LHCGR: variants seen among roughly 807,000 people sequenced by gnomAD.
LHCGR encodes luteinizing hormone/choriogonadotropin receptor, also known as lutropin-choriogonadotropic hormone receptor.
LHCGR carries 55 observed loss-of-function variants against 60.7 expected under a neutral mutation model. That is an observed-to-expected ratio of 0.91 (90% CI 0.73 to 1.13). The LOEUF is 1.13. Ranked by LOEUF, LHCGR falls within the 50% of genes most tolerant of loss-of-function variation. The pLI is 0.00. For missense variants in LHCGR, 862 were observed against 836.0 expected, an observed-to-expected ratio of 1.03 and a Z score of -0.38; for synonymous variants, 337 against 316.5, an observed-to-expected ratio of 1.06 and a Z score of -0.69.
intron 7 of LHCGR, 50 bp from the exon 8 acceptor site, chr2:48,709,072 C>G: frequency 7.1e-7 from 1 of 1,406,792 alleles, no homozygotes; most frequent in Non-Finnish European, 1.0e-6. Context: ...CATGTGTAAG[C>G]ATTCGTAGCT....
At chr2:48,715,586 T>C (rs1359739840) in intron 6 of LHCGR, among the ~76,000 whole-genome samples, 3 of 152,082 alleles carry the variant, frequency 2.0e-5, no homozygotes, top group African/African-American at 7.2e-5. Flanking sequence ...CAGGTAGCTG[T>C]TGTCTGCAAG....
intron 6 of LHCGR, among the ~76,000 whole-genome samples, chr2:48,719,495 T>A (rs1668411985): frequency 6.6e-6 from 1 of 152,322 alleles, no homozygotes; most frequent in African/African-American, 2.4e-5. Context: ...GAATCAAGAT[T>A]GTCTCTTTTT....
Position 48,687,751 on chromosome 2 carries a change from T to C in LHCGR, c.2046A>G (p.Thr682=). The stretch of plus-strand genomic sequence containing the variant: ...GGAGAGCTGTACCTTGACAGTGCAA[T>C]GTGGACAACTTCAAGGTGGATTGAG... ...KPSQSTLKLS[T]LHCQGTALLD... The change falls in exon 11 of 11, where the codon ACA becomes ACG. Residue 682 remains threonine (T), a synonymous_variant. Transcript: ENST00000294954. 6.2e-7 allele frequency: 1 copy of C among 1,614,154 alleles called. No individual in the cohort carries two copies. The highest frequency in any genetic ancestry group is 8.5e-7 in the Non-Finnish European group (1 of 1,180,010).
intron 4 of LHCGR, among the ~76,000 whole-genome samples, chr2:48,725,379 A>G (rs1668672429): frequency 6.6e-6 from 1 of 152,174 alleles, no homozygotes; most frequent in Non-Finnish European, 1.5e-5. Flanking sequence ...TTAAAGTGTT[A>G]TGACCTCCAT....
chr2:48,739,275 C>G (rs1173374405), intron 1 of LHCGR, among the ~76,000 whole-genome samples: 1 of 152,176 alleles, frequency 6.6e-6, no homozygotes, highest in Non-Finnish European at 1.5e-5. Context: ...GGATCTAGAA[C>G]TAGAAATACC....
intron 9 of LHCGR, among the ~76,000 whole-genome samples, chr2:48,697,700 T>C (rs772377272): frequency 2.0e-5 from 3 of 152,190 alleles, no homozygotes; most frequent in African/African-American, 7.2e-5. Context: ...ATCTAAGTAA[T>C]TGAATGGATC....
At chr2:48,732,139 C>A (rs951815610) in intron 1 of LHCGR, among the ~76,000 whole-genome samples, 2 of 152,166 alleles carry the variant, frequency 1.3e-5, no homozygotes, top group African/African-American at 4.8e-5. Context: ...GCTAAAGGAA[C>A]TGGAGGTTAA....
At chr2:48,725,105 TGGCA>T (rs1392566322) in intron 4 of LHCGR, among the ~76,000 whole-genome samples, 1 of 152,218 alleles carries the variant, frequency 6.6e-6, no homozygotes, top group East Asian at 1.9e-4. Context: ...GCAATGATTG[TGGCA>T]GGCTACAGTG....
chr2:48,708,797 C>G (rs1426820003), intron 8 of LHCGR, 151 bp downstream of exon 8: 54 of 744,936 alleles, frequency 7.2e-5, no homozygotes, highest in Non-Finnish European at 2.5e-6. Context: ...ATTATGGCAG[C>G]TGTGATACAC....
At chr2:48,744,850 C>T (rs1157442163) in intron 1 of LHCGR, among the ~76,000 whole-genome samples, 1 of 151,790 alleles carries the variant, frequency 6.6e-6, no homozygotes, top group Non-Finnish European at 1.5e-5. Context: ...CAAATGGGAT[C>T]CAATTAAACT....
At chr2:48,700,757 C>T (rs1558822965) in intron 8 of LHCGR, among the ~76,000 whole-genome samples, 1 of 152,072 alleles carries the variant, frequency 6.6e-6, no homozygotes, top group East Asian at 1.9e-4. Flanking sequence ...GATAAGGTTG[C>T]CAGAAGTTGA....
chr2:48,739,284 C>T (rs1180948618), intron 1 of LHCGR, among the ~76,000 whole-genome samples: 1 of 152,154 alleles, frequency 6.6e-6, no homozygotes, highest in African/African-American at 2.4e-5. Context: ...ACTAGAAATA[C>T]CATTTGAGCC....
chr2:48,713,425 A>G (rs555420058), intron 7 of LHCGR, among the ~76,000 whole-genome samples: 6 of 152,258 alleles, frequency 3.9e-5, no homozygotes, highest in African/African-American at 1.4e-4. Flanking sequence ...AGAGGTTGAG[A>G]ACAGTGAGGG....
At chr2:48,726,342 C>G (rs1194024970) in intron 3 of LHCGR, among the ~76,000 whole-genome samples, 2 of 152,204 alleles carry the variant, frequency 1.3e-5, no homozygotes, top group Middle Eastern at 3.2e-3. Context: ...GCTAGTGTCT[C>G]TTCTGTAAAA....
chr2:48,719,123 C>T (rs1668388768), intron 6 of LHCGR, among the ~76,000 whole-genome samples: 1 of 151,372 alleles, frequency 6.6e-6, no homozygotes, highest in Admixed American at 6.6e-5. Context: ...GAGATCAAGA[C>T]CATCCTGGCT....
At chr2:48,729,432 C>T (rs1668889452) in intron 2 of LHCGR, among the ~76,000 whole-genome samples, 1 of 152,124 alleles carries the variant, frequency 6.6e-6, no homozygotes, top group African/African-American at 2.4e-5. Flanking sequence ...AACCCAAGTG[C>T]AGTTGAAATG....
chr2:48,706,424 A>T (rs150324110), intron 8 of LHCGR, among the ~76,000 whole-genome samples: 4 of 152,246 alleles, frequency 2.6e-5, no homozygotes, highest in Non-Finnish European at 5.9e-5. Flanking sequence ...GTATTTCCTG[A>T]ATTTGAATGT....
chr2:48,740,981 C>A (rs1018275777), intron 1 of LHCGR, among the ~76,000 whole-genome samples: 1 of 152,080 alleles, frequency 6.6e-6, no homozygotes, highest in Non-Finnish European at 1.5e-5. Context: ...ATAACCGATA[C>A]AGAGAAGTGC....
At chr2:48,713,596 A>G (rs1558846283) in intron 7 of LHCGR, among the ~76,000 whole-genome samples, 1 of 152,180 alleles carries the variant, frequency 6.6e-6, no homozygotes. Context: ...GTGGCTGACA[A>G]GACTGGTAAA....
Sources: allele counts gnomAD v4.1 joint callset (sites outside exome capture counted in the v4.1 genomes callset), GRCh38; gene constraint gnomAD v4.1.1; transcripts MANE v1.5; gene names NCBI Gene and HGNC (gene_info 2026-07-23, HGNC 2026-07-21).